The following NAP1L4 variants were observed in gnomAD, a reference collection of about 807,000 sequenced individuals.
The protein encoded by NAP1L4 is nucleosome assembly protein 1 like 4, also known as nucleosome assembly protein 1-like 4.
In NAP1L4, 15 loss-of-function variants were observed where a neutral mutation model predicts 58.2. The observed-to-expected ratio is 0.26, with a 90% CI of 0.17 to 0.40. The LOEUF is 0.40. Among genes scored for constraint, NAP1L4 ranks in the 10% least tolerant of loss-of-function variants. The pLI, the probability that NAP1L4 is intolerant of heterozygous loss-of-function variation, is 1.00. For missense variants in NAP1L4, 384 were observed against 451.1 expected (o/e 0.85, Z 1.35); for synonymous variants, 171 against 155.6 (o/e 1.10, Z -0.74).
chr11:2,955,907 G>A lies in NAP1L4; in HGVS notation c.893-141C>T. The stretch of plus-strand genomic sequence containing the variant: ...GTTTAACAGAAATCCCCAAAGCCTT[G>A]CATCTCCTCACAGACATCTTTGCAA... On this transcript the variant is annotated intron_variant, in intron 10 of 15. Transcript: ENST00000380542. The surrounding 1 kb of genome is among the most constrained non-coding windows in gnomAD (Gnocchi z 4.2). 2 of 732,576 alleles carry A rather than the reference G, an allele frequency of 2.7e-6. No homozygotes were observed. Among genetic ancestry groups the A allele is most frequent in the South Asian group, 1.8e-5 (1 of 54,792 alleles). The allele number at this position is 732,576 out of a possible 1,614,324, so 45.4% of individuals were successfully genotyped here. A position where few individuals can be genotyped will look rare whatever the true frequency, so the allele number is the denominator to read the frequency against.
At chr11:2,987,618 G>C (rs780960767) in intron 1 of NAP1L4, among the ~76,000 whole-genome samples, 1 of 151,176 alleles carries the variant, frequency 6.6e-6, no homozygotes, top group Non-Finnish European at 1.5e-5. Context: ...TTACCCAGGC[G>C]TGGTGGTGAG....
At chr11:2,980,440 C>T (rs565515696) in intron 1 of NAP1L4, among the ~76,000 whole-genome samples, 1 of 152,302 alleles carries the variant, frequency 6.6e-6, no homozygotes, top group East Asian at 1.9e-4. Flanking sequence ...CCCACCTCAG[C>T]CTACCAAAGT....
At chr11:2,989,999 AAC>A (rs1848859332) in intron 1 of NAP1L4, 1 of 152,260 alleles carries the variant, frequency 6.6e-6, no homozygotes. Flanking sequence ...AAAGTTATCA[AAC>A]TTAAAAATGA....
intron 7 of NAP1L4, among the ~76,000 whole-genome samples, chr11:2,965,675 A>G (rs1182191367): frequency 6.6e-6 from 1 of 152,098 alleles, no homozygotes; most frequent in Admixed American, 6.5e-5. Context: ...GACTACAGGC[A>G]CCCGCCAACC....
chr11:2,960,438 CACTT>C (rs934127284), intron 8 of NAP1L4, among the ~76,000 whole-genome samples: 3 of 152,194 alleles, frequency 2.0e-5, no homozygotes, highest in African/African-American at 7.2e-5. Context: ...GCTCATCCCT[CACTT>C]ACAAAGCACG....
chr11:2,946,922 A>C lies in NAP1L4; in HGVS notation c.*33-1276T>G, dbSNP rs1261811360. Among the ~76,000 whole-genome samples, 1 of 152,202 alleles carries C rather than the reference A, an allele frequency of 6.6e-6. No individual in the cohort carries two copies. Among genetic ancestry groups the C allele is most frequent in the Admixed American group, 6.5e-5 (1 of 15,278 alleles). The stretch of plus-strand genomic sequence containing the variant: ...GATGCAGGGCGCCCCGAGCAGGAGC[A>C]GTGAGGGGAGGAGTGGGACAAGCAG... On this transcript the variant is annotated intron_variant, in intron 15 of 15. Coordinates refer to ENST00000380542, the MANE Select transcript of NAP1L4 (RefSeq NM_005969.4). The surrounding 1 kb of genome is among the most constrained non-coding windows in gnomAD (Gnocchi z 4.8).
At chr11:2,952,845 G>C (rs1432397244) in intron 12 of NAP1L4, 1 of 152,306 alleles carries the variant, frequency 6.6e-6, no homozygotes, top group Non-Finnish European at 1.5e-5. Flanking sequence ...CACCTGGGCA[G>C]AGCAGGAGCT....
intron 3 of NAP1L4, among the ~76,000 whole-genome samples, chr11:2,977,059 C>G (rs1184923656): frequency 6.6e-6 from 1 of 152,214 alleles, no homozygotes; most frequent in Non-Finnish European, 1.5e-5. Context: ...CATAATAGAA[C>G]TGCAAACACA....
rs1849024871 is a variant in NAP1L4, at chr11:2,992,284, C to G, written c.-48G>C. On this transcript the variant is annotated 5_prime_UTR_variant, in exon 1 of 16. Coordinates refer to ENST00000380542, the MANE Select transcript of NAP1L4 (RefSeq NM_005969.4). ...GCCTCCTGCGGCAGTGGCGGCGACCCTAGCTTCGCTCGCTTTGGGGCTGCG... is the reference window on the plus strand; with the variant it reads ...GCCTCCTGCGGCAGTGGCGGCGACCGTAGCTTCGCTCGCTTTGGGGCTGCG... The G allele has an allele frequency of 1.3e-5, 2 of 152,294 alleles. No homozygotes were observed. The highest frequency in any genetic ancestry group is 2.9e-5 in the Non-Finnish European group (2 of 68,104). The allele number at this position is 152,294 out of a possible 1,614,324, so 9.4% of individuals were successfully genotyped here. A position where few individuals can be genotyped will look rare whatever the true frequency, so the allele number is the denominator to read the frequency against.
intron 1 of NAP1L4, among the ~76,000 whole-genome samples, chr11:2,985,990 T>C (rs1423071869): frequency 6.6e-6 from 1 of 152,264 alleles, no homozygotes; most frequent in Admixed American, 6.5e-5. Context: ...TGTTTTCTTA[T>C]GAAATTTTTA....
chr11:2,957,454 A>G lies in NAP1L4; in HGVS notation c.892+945T>C, dbSNP rs757865431. On this transcript the variant is annotated intron_variant, in intron 10 of 15. Coordinates refer to ENST00000380542, the MANE Select transcript of NAP1L4 (RefSeq NM_005969.4). Reference sequence around the variant, plus strand: ...GCTCAGAGACAAAATCAAAAAATCAATCACTCAGACTGGAGAAGAGATCCG... The same window carrying G: ...GCTCAGAGACAAAATCAAAAAATCAGTCACTCAGACTGGAGAAGAGATCCG... 2.9e-4 allele frequency among the ~76,000 whole-genome samples: 44 copies of G among 152,230 alleles called. 1 individual carries two copies. Among genetic ancestry groups the G allele is most frequent in the South Asian group, 4.1e-4 (2 of 4,834 alleles).
At position 2,954,283 on chromosome 11, in the gene NAP1L4, T is replaced by A. The variant is rs1396029152; in HGVS notation, c.1035+244A>T. On this transcript the variant is annotated intron_variant, in intron 12 of 15. Transcript: ENST00000380542. This position sits in a 1 kb window ranked among gnomAD's most constrained non-coding sequence, Gnocchi z 4.8. ...GTTGAGTCACTAGGCAGGGCTCACA[T>A]AGGAAACTGGCAATCACCTCTGAAA... 103 of 590,126 alleles carry A rather than the reference T, an allele frequency of 1.7e-4. No individual in the cohort carries two copies. The Admixed American group carries it at 2.9e-3, about 16-fold the overall frequency. The allele number at this position is 590,126 out of a possible 1,614,324, so 36.6% of individuals were successfully genotyped here.
chr11:2,989,631 T>G (rs7112509), intron 1 of NAP1L4, among the ~76,000 whole-genome samples: 1 of 152,160 alleles, frequency 6.6e-6, no homozygotes, highest in Non-Finnish European at 1.5e-5. Context: ...CTAGAGACTA[T>G]CAACTGCTCA....
At position 2,951,682 on chromosome 11, in the gene NAP1L4, G is replaced by T; in HGVS notation, c.1065+98C>A. 8.3e-7 allele frequency: 1 copy of T among 1,204,662 alleles called. No individual in the cohort carries two copies. The highest frequency in any genetic ancestry group is 1.2e-5 in the South Asian group (1 of 80,402). 74.6% of individuals were successfully genotyped at this position (1,204,662 alleles called of 1,614,324 possible). On this transcript the variant is annotated intron_variant, in intron 13 of 15. Transcript: ENST00000380542. This position sits in a 1 kb window ranked among gnomAD's most constrained non-coding sequence, Gnocchi z 4.0. ...ATCAAAGACAGCGTCACAAAAAATG[G>T]GTTTAACACAGCCCTGTGAGTCCAT...
Position 2,951,170 on chromosome 11 carries a change from TA to T in NAP1L4, c.1122+88del, listed in dbSNP as rs2133902325. ...CTAATTAGGGAATAATGAATATTGTTAACACTACTGCCTCAAAGTGGGGAAC... is the reference window on the plus strand; with the variant it reads ...CTAATTAGGGAATAATGAATATTGTTACACTACTGCCTCAAAGTGGGGAAC... On this transcript the variant is annotated intron_variant, in intron 14 of 15. Transcript: ENST00000380542. The surrounding 1 kb of genome is among the most constrained non-coding windows in gnomAD (Gnocchi z 4.0). 1.0e-6 allele frequency: 1 copy of T among 990,506 alleles called. No individual in the cohort carries two copies. Among genetic ancestry groups the T allele is most frequent in the East Asian group, 2.4e-5 (1 of 41,392 alleles). The allele number at this position is 990,506 out of a possible 1,614,324, so 61.4% of individuals were successfully genotyped here.
intron 1 of NAP1L4, chr11:2,990,180 T>C (rs1366549429): frequency 1.3e-5 from 2 of 151,878 alleles, no homozygotes; most frequent in African/African-American, 4.8e-5. Flanking sequence ...ATTCTGAAGC[T>C]AACACTGCTC....
chr11:2,966,528 T>A (rs1385474831), intron 7 of NAP1L4, among the ~76,000 whole-genome samples: 1 of 152,186 alleles, frequency 6.6e-6, no homozygotes, highest in Non-Finnish European at 1.5e-5. Flanking sequence ...CGTGAGGTAT[T>A]TCCCCCCTTT....
Position 2,959,714 on chromosome 11 carries a change from C to G in NAP1L4, c.746+56G>C. ...TACTTCTATCTTACCCATCAAGTTA[C>G]AAAATTATCTTTTGATTTTGTTTCA... On this transcript the variant is annotated intron_variant, in intron 9 of 15. Coordinates refer to ENST00000380542, the MANE Select transcript of NAP1L4 (RefSeq NM_005969.4). The surrounding 1 kb of genome is among the most constrained non-coding windows in gnomAD (Gnocchi z 4.9). 6.2e-7 allele frequency: 1 copy of G among 1,601,506 alleles called. No homozygotes were observed. The highest frequency in any genetic ancestry group is 8.5e-7 in the Non-Finnish European group (1 of 1,172,722).
chr11:2,971,158 T>TC lies in NAP1L4; in HGVS notation c.402+289dup, dbSNP rs1314557366. 1.3e-5 allele frequency among the ~76,000 whole-genome samples: 2 copies of TC among 152,342 alleles called. No homozygotes were observed. Among genetic ancestry groups the TC allele is most frequent in the East Asian group, 3.9e-4 (2 of 5,182 alleles). ...TGACTGAGAACACAGGGGCATCTCT[T>TC]CTTCATCTTTGCTTTCTCTGATGTT... On this transcript the variant is annotated intron_variant, in intron 6 of 15. Transcript: ENST00000380542. The surrounding 1 kb of genome is among the most constrained non-coding windows in gnomAD (Gnocchi z 4.2).
Sources: gnomAD v4.1 joint callset for allele counts (sites outside exome capture counted in the v4.1 genomes callset) on GRCh38, gnomAD v4.1.1 for gene constraint, Gnocchi (gnomAD v3.1) non-coding constraint, MANE v1.5 for transcripts, NCBI Gene and HGNC (gene_info 2026-07-23, HGNC 2026-07-21) for gene names.